RUNDC3B: variants seen among roughly 807,000 people sequenced by gnomAD.
RUNDC3B encodes RUN domain containing 3B, also known as RUN domain-containing protein 3B.
Under a neutral mutation model 58.4 loss-of-function variants are expected in RUNDC3B, and 33 were observed. That is an observed-to-expected ratio of 0.56 (90% CI 0.43 to 0.75). The LOEUF is 0.75. Ranked by LOEUF, RUNDC3B falls within the 30% of genes least tolerant of loss-of-function variation. The probability of loss-of-function intolerance (pLI) is 0.00; values close to 1 mark genes in which losing one functional copy is unlikely to be tolerated. For missense variants in RUNDC3B, 501 were observed against 535.7 expected (o/e 0.94, Z 0.64); for synonymous variants, 193 against 195.2 (o/e 0.99, Z 0.10).
At chr7:87,721,900 G>A (rs867997789) in intron 4 of RUNDC3B, among the ~76,000 whole-genome samples, 9 of 151,480 alleles carry the variant, frequency 5.9e-5, no homozygotes, top group East Asian at 1.9e-4. Flanking sequence ...ATTTTATAGC[G>A]TTGCATTTTT....
intron 4 of RUNDC3B, among the ~76,000 whole-genome samples, chr7:87,732,715 G>C (rs996117122): frequency 5.3e-5 from 8 of 152,312 alleles, no homozygotes; most frequent in African/African-American, 1.9e-4. Flanking sequence ...TAAGTTTAGT[G>C]AGGGCGGGGG....
chr7:87,726,557 A>G (rs1831243960), intron 4 of RUNDC3B, among the ~76,000 whole-genome samples: 1 of 152,088 alleles, frequency 6.6e-6, no homozygotes, highest in Non-Finnish European at 1.5e-5. Context: ...TTGGCTTAGG[A>G]TTGTCTTGGC....
intron 4 of RUNDC3B, among the ~76,000 whole-genome samples, chr7:87,727,082 T>G (rs1488777020): frequency 1.3e-5 from 2 of 152,202 alleles, no homozygotes; most frequent in African/African-American, 4.8e-5. Context: ...CCTTTATTTC[T>G]TTCATTTGCC....
At chr7:87,702,250 G>C (rs1411936704) in intron 3 of RUNDC3B, among the ~76,000 whole-genome samples, 1 of 149,206 alleles carries the variant, frequency 6.7e-6, no homozygotes, top group Non-Finnish European at 1.5e-5. Flanking sequence ...ATGTTAACAG[G>C]TAATGGGTTT....
At chr7:87,773,383 C>A (rs1406045352) in intron 7 of RUNDC3B, among the ~76,000 whole-genome samples, 2 of 148,982 alleles carry the variant, frequency 1.3e-5, no homozygotes, top group Non-Finnish European at 3.0e-5. Flanking sequence ...GCTGGACTTA[C>A]ATATATTTAA....
chr7:87,643,251 A>C (rs1822630022), intron 1 of RUNDC3B, among the ~76,000 whole-genome samples: 1 of 152,020 alleles, frequency 6.6e-6, no homozygotes, highest in East Asian at 1.9e-4. Context: ...CATTGCGTAA[A>C]ATTTTTTGAG....
chr7:87,636,632 C>G (rs1392680455), intron 1 of RUNDC3B, among the ~76,000 whole-genome samples: 1 of 152,184 alleles, frequency 6.6e-6, no homozygotes, highest in Non-Finnish European at 1.5e-5. Context: ...CAGCCTACTC[C>G]AAAGTAATGA....
intron 2 of RUNDC3B, among the ~76,000 whole-genome samples, chr7:87,686,164 A>G (rs1334730686): frequency 8.6e-5 from 13 of 151,936 alleles, no homozygotes; most frequent in Non-Finnish European, 1.3e-4. Flanking sequence ...TTTTTTTCTT[A>G]CAATTTTTCT....
At chr7:87,765,284 G>A (rs1327864948) in intron 6 of RUNDC3B, among the ~76,000 whole-genome samples, 1 of 149,128 alleles carries the variant, frequency 6.7e-6, no homozygotes, top group Non-Finnish European at 1.5e-5. Context: ...ATTTTTTTTT[G>A]TCTCAGTTTC....
At chr7:87,751,964 G>A (rs1429499969) in intron 6 of RUNDC3B, among the ~76,000 whole-genome samples, 1 of 152,146 alleles carries the variant, frequency 6.6e-6, no homozygotes, top group Non-Finnish European at 1.5e-5. Context: ...GTTTTCAAAG[G>A]GAATGCTTCC....
chr7:87,718,832 T>C (rs1247328338), intron 4 of RUNDC3B, among the ~76,000 whole-genome samples: 1 of 152,188 alleles, frequency 6.6e-6, no homozygotes, highest in South Asian at 2.1e-4. Context: ...TTCTTACTAA[T>C]GTTCAACTTA....
chr7:87,657,669 G>A (rs28746498), intron 2 of RUNDC3B, among the ~76,000 whole-genome samples: 177 of 152,238 alleles, frequency 1.2e-3, no homozygotes, highest in Non-Finnish European at 1.9e-3. Flanking sequence ...GCTGGTTCCT[G>A]GCCATACTGG....
At chr7:87,748,809 G>C (rs889426884) in intron 6 of RUNDC3B, among the ~76,000 whole-genome samples, 1 of 152,106 alleles carries the variant, frequency 6.6e-6, no homozygotes, top group Non-Finnish European at 1.5e-5. Flanking sequence ...TATTTTGGAT[G>C]GTGAGGGAAA....
chr7:87,736,869 A>G (rs934518387), intron 4 of RUNDC3B, among the ~76,000 whole-genome samples: 1 of 36,834 alleles, frequency 2.7e-5, no homozygotes, highest in African/African-American at 1.0e-4. Flanking sequence ...ATATATATAT[A>G]TATATATATA....
At chr7:87,670,065 T>A (rs1342018082) in intron 2 of RUNDC3B, among the ~76,000 whole-genome samples, 1 of 152,212 alleles carries the variant, frequency 6.6e-6, no homozygotes, top group South Asian at 2.1e-4. Flanking sequence ...AAATATGTTT[T>A]CCAAGTTGTT....
At chr7:87,772,112 CATAG>C (rs1429803840) in intron 7 of RUNDC3B, among the ~76,000 whole-genome samples, 1 of 152,044 alleles carries the variant, frequency 6.6e-6, no homozygotes, top group African/African-American at 2.4e-5. Context: ...ACTGTAAGAA[CATAG>C]ATAATAGTTA....
chr7:87,825,897 C>G (rs1443867485), intron 10 of RUNDC3B, among the ~76,000 whole-genome samples: 2 of 152,192 alleles, frequency 1.3e-5, no homozygotes, highest in Non-Finnish European at 1.5e-5. Flanking sequence ...CAGTTTGGAA[C>G]AGCTGTATCT....
Position 87,830,921 on chromosome 7 carries a change from T to C in RUNDC3B, c.*891T>C, listed in dbSNP as rs1486124712. ...GGATAGTTATCATATTTACTTAATATATGTCTGATATTCAGTGCTGGTTCT... is the reference window on the plus strand; with the variant it reads ...GGATAGTTATCATATTTACTTAATACATGTCTGATATTCAGTGCTGGTTCT... On this transcript the variant is annotated 3_prime_UTR_variant, in exon 11 of 11. Transcript: ENST00000394654. 1 of 151,834 alleles carries C rather than the reference T, an allele frequency of 6.6e-6. No homozygotes were observed. Among genetic ancestry groups the C allele is most frequent in the Non-Finnish European group, 1.5e-5 (1 of 67,844 alleles). 9.4% of individuals were successfully genotyped at this position (151,834 alleles called of 1,614,324 possible).
chr7:87,670,313 C>G (rs138825663), intron 2 of RUNDC3B, among the ~76,000 whole-genome samples: 10 of 152,322 alleles, frequency 6.6e-5, no homozygotes, highest in African/African-American at 2.2e-4. Context: ...TGTTATTCAG[C>G]TCTGTCAGAC....
Sources: gnomAD v4.1 joint callset for allele counts (sites outside exome capture counted in the v4.1 genomes callset) on GRCh38, gnomAD v4.1.1 for gene constraint, MANE v1.5 for transcripts, NCBI Gene and HGNC (gene_info 2026-07-23, HGNC 2026-07-21) for gene names.